The following STXBP6 variants were observed in gnomAD, a reference collection of about 807,000 sequenced individuals.
The protein encoded by STXBP6 is syntaxin binding protein 6, also known as syntaxin-binding protein 6.
A neutral mutation model predicts 26.9 loss-of-function variants in STXBP6; 21 were observed. That is an observed-to-expected ratio of 0.78 (90% CI 0.55 to 1.12). STXBP6 has a LOEUF of 1.12. STXBP6 is among the 50% of genes most tolerant of loss of function. STXBP6 has a pLI of 0.00. For synonymous variants in STXBP6, 97 were observed against 92.6 expected (o/e 1.05, Z -0.27); for missense variants, 232 against 257.9 (o/e 0.90, Z 0.69).
At chr14:24,814,945 G>A (rs1288959914) in intron 5 of STXBP6, among the ~76,000 whole-genome samples, 1 of 152,068 alleles carries the variant, frequency 6.6e-6, no homozygotes, top group Non-Finnish European at 1.5e-5. Context: ...CCAGAATTGT[G>A]AGAAATAAAT....
intron 2 of STXBP6, among the ~76,000 whole-genome samples, chr14:24,867,536 G>T (rs929440048): frequency 3.9e-5 from 6 of 152,104 alleles, no homozygotes; most frequent in African/African-American, 1.4e-4. Flanking sequence ...AAAGTGAAAA[G>T]GCAATGCTAT....
chr14:24,958,921 T>C (rs2073431266), intron 2 of STXBP6, among the ~76,000 whole-genome samples: 1 of 152,070 alleles, frequency 6.6e-6, no homozygotes, highest in African/African-American at 2.4e-5. Flanking sequence ...AAAGAACAAA[T>C]GAATGCTTCC....
chr14:24,968,956 C>T (rs1595214860), intron 2 of STXBP6, among the ~76,000 whole-genome samples: 2 of 152,084 alleles, frequency 1.3e-5, no homozygotes, highest in East Asian at 1.9e-4. Flanking sequence ...CCCCACCAGC[C>T]CCCCGTGCTG....
At chr14:24,915,939 G>A (rs977563282) in intron 2 of STXBP6, among the ~76,000 whole-genome samples, 2 of 152,034 alleles carry the variant, frequency 1.3e-5, no homozygotes, top group Non-Finnish European at 2.9e-5. Context: ...TTTTAACAGG[G>A]TTCAACAGAC....
chr14:24,981,038 T>A (rs1336249088), intron 1 of STXBP6, among the ~76,000 whole-genome samples: 1 of 152,094 alleles, frequency 6.6e-6, no homozygotes, highest in Non-Finnish European at 1.5e-5. Flanking sequence ...TATCTTTGGG[T>A]TTTCCCCCTG....
chr14:24,963,179 T>C (rs555376401), intron 2 of STXBP6, among the ~76,000 whole-genome samples: 4 of 152,094 alleles, frequency 2.6e-5, no homozygotes, highest in Admixed American at 6.6e-5. Context: ...AAATCACGGA[T>C]CCAAGAACAC....
chr14:25,043,707 T>A (rs1430456359), intron 1 of STXBP6, among the ~76,000 whole-genome samples: 2 of 152,226 alleles, frequency 1.3e-5, no homozygotes, highest in African/African-American at 4.8e-5. Context: ...TACATGGTCA[T>A]TTGTATCTGG....
chr14:24,810,695 C>G lies in STXBP6; in HGVS notation c.*2014G>C, dbSNP rs1339673629. 2.0e-5 allele frequency: 3 copies of G among 152,170 alleles called. No individual in the cohort carries two copies. The highest frequency in any genetic ancestry group is 2.9e-5 in the Non-Finnish European group (2 of 68,036). 9.4% of individuals were successfully genotyped at this position (152,170 alleles called of 1,614,324 possible). On this transcript the variant is annotated 3_prime_UTR_variant, in exon 6 of 6. Coordinates refer to ENST00000323944, the MANE Select transcript of STXBP6 (RefSeq NM_001394410.1). ...TTCACAGTATGCTTATGACCTCATCCTCAGCTACTTTGGAATCAGCTTCCC... is the reference window on the plus strand; with the variant it reads ...TTCACAGTATGCTTATGACCTCATCGTCAGCTACTTTGGAATCAGCTTCCC...
chr14:24,947,630 T>C (rs976864484), intron 2 of STXBP6, among the ~76,000 whole-genome samples: 2 of 152,118 alleles, frequency 1.3e-5, no homozygotes, highest in African/African-American at 4.8e-5. Context: ...TCTTCACACA[T>C]GGGGAAAACT....
intron 1 of STXBP6, among the ~76,000 whole-genome samples, chr14:25,001,285 C>T (rs564694831): frequency 6.6e-6 from 1 of 152,184 alleles, no homozygotes; most frequent in East Asian, 1.9e-4. Flanking sequence ...GCATAAGACT[C>T]ACAAGAATTC....
At chr14:24,940,871 C>T (rs538832452) in intron 2 of STXBP6, among the ~76,000 whole-genome samples, 2 of 152,144 alleles carry the variant, frequency 1.3e-5, no homozygotes, top group South Asian at 4.2e-4. Flanking sequence ...AAAAAAGTAG[C>T]CAGGTGTGGT....
At chr14:24,927,661 A>G (rs1164688353) in intron 2 of STXBP6, among the ~76,000 whole-genome samples, 3 of 152,238 alleles carry the variant, frequency 2.0e-5, no homozygotes, top group South Asian at 2.1e-4. Context: ...CGACAGACAC[A>G]TAGTCTCTCT....
intron 2 of STXBP6, among the ~76,000 whole-genome samples, chr14:24,872,989 C>G (rs1595012179): frequency 6.6e-6 from 1 of 152,160 alleles, no homozygotes; most frequent in Admixed American, 6.5e-5. Flanking sequence ...GCAAATGGTT[C>G]GTCCTAAACT....
At chr14:24,834,434 G>A (rs2068550325) in intron 4 of STXBP6, among the ~76,000 whole-genome samples, 2 of 152,140 alleles carry the variant, frequency 1.3e-5, no homozygotes, top group African/African-American at 4.8e-5. Flanking sequence ...AATTATAAAT[G>A]GCATTATTTG....
rs2067799086 is a variant in STXBP6 at position 24,810,852 on chromosome 14, GATAAATAC to G, written c.*1849_*1856del. 1.0e-5 allele frequency: 1 copy of G among 97,190 alleles called. No individual in the cohort carries two copies. The highest frequency in any genetic ancestry group is 2.2e-5 in the Non-Finnish European group (1 of 45,910). The allele number at this position is 97,190 out of a possible 1,614,324, so 6.0% of individuals were successfully genotyped here. Reference sequence around the variant, plus strand: ...CTGAAACCAGAATCCAATTTGGAAAGATAAATACATCTCTGTGTGTGTGTGTGTGTGTG... The same window carrying G: ...CTGAAACCAGAATCCAATTTGGAAAGATCTCTGTGTGTGTGTGTGTGTGTG... On this transcript the variant is annotated 3_prime_UTR_variant, in exon 6 of 6. Transcript: ENST00000323944.
chr14:24,873,140 A>G (rs1015939042), intron 2 of STXBP6, among the ~76,000 whole-genome samples: 22 of 152,310 alleles, frequency 1.4e-4, no homozygotes, highest in African/African-American at 5.1e-4. Flanking sequence ...ATGAATTTAT[A>G]AAAAATTCTA....
chr14:24,867,995 G>C (rs1566427053), intron 2 of STXBP6, among the ~76,000 whole-genome samples: 1 of 152,144 alleles, frequency 6.6e-6, no homozygotes, highest in Non-Finnish European at 1.5e-5. Flanking sequence ...TCAGGAGCTT[G>C]AGACCAGCCT....
At chr14:24,910,399 T>A (rs946206917) in intron 2 of STXBP6, among the ~76,000 whole-genome samples, 1 of 152,252 alleles carries the variant, frequency 6.6e-6, no homozygotes, top group African/African-American at 2.4e-5. Flanking sequence ...CATTGCCTGG[T>A]ATCCCTGCAG....
intron 2 of STXBP6, among the ~76,000 whole-genome samples, chr14:24,924,403 C>T (rs139900212): frequency 1.3e-5 from 2 of 152,244 alleles, no homozygotes; most frequent in Admixed American, 6.5e-5. Flanking sequence ...CTCTCCATTA[C>T]CTAAAAGACT....
Sources: gnomAD v4.1 joint callset for allele counts (sites outside exome capture counted in the v4.1 genomes callset) on GRCh38, gnomAD v4.1.1 for gene constraint, MANE v1.5 for transcripts, NCBI Gene and HGNC (gene_info 2026-07-23, HGNC 2026-07-21) for gene names.